RCC1L: variants seen among roughly 807,000 people sequenced by gnomAD.
RCC1L encodes RCC1-like G exchanging factor-like protein.
Under a neutral mutation model 58.6 loss-of-function variants are expected in RCC1L, and 46 were observed. The observed-to-expected ratio is 0.79, with a 90% CI of 0.62 to 1.00. The LOEUF is 1.00. Ranked by LOEUF, RCC1L falls within the 50% of genes least tolerant of loss-of-function variation. The pLI is 0.00. For synonymous variants in RCC1L, 281 were observed against 262.9 expected, an observed-to-expected ratio of 1.07 and a Z score of -0.67; for missense variants, 636 against 623.6, an observed-to-expected ratio of 1.02 and a Z score of -0.21.
At position 75,073,582 on chromosome 7, in the gene RCC1L, GC is replaced by G; in HGVS notation, c.155del (p.Gly52AlafsTer138). The G allele has an allele frequency of 6.6e-7, 1 of 1,513,314 alleles. No homozygotes were observed. Among genetic ancestry groups the G allele is most frequent in the South Asian group, 1.2e-5 (1 of 80,854 alleles). 93.7% of individuals were successfully genotyped at this position (1,513,314 alleles called of 1,614,324 possible). A position where few individuals can be genotyped will look rare whatever the true frequency, so the allele number is the denominator to read the frequency against. On this transcript the variant is annotated frameshift_variant, in exon 1 of 11. Coordinates refer to ENST00000610322, the MANE Select transcript of RCC1L (RefSeq NM_030798.5). LOFTEE classifies it high-confidence loss of function. ...EAEVPVVQYV[G>X]ERAARADRVF... ...CGCGATCGGCGCGGGCAGCGCGCTC[GC>G]CCACGTACTGGACCACGGGCACCTC...
At chr7:75,072,947 T>A (rs1275175556) in intron 1 of RCC1L, among the ~76,000 whole-genome samples, 1 of 152,088 alleles carries the variant, frequency 6.6e-6, no homozygotes, top group Non-Finnish European at 1.5e-5. Context: ...CTCTAAAAAA[T>A]AAATTAAAAC....
intron 10 of RCC1L, among the ~76,000 whole-genome samples, chr7:75,033,346 AGAC>A (rs1805357422): frequency 1.3e-5 from 2 of 152,084 alleles, no homozygotes; most frequent in South Asian, 4.1e-4. Flanking sequence ...AGTTAGACTT[AGAC>A]AAGAAACAGC....
At chr7:75,045,602 G>C (rs1218340493) in intron 10 of RCC1L, among the ~76,000 whole-genome samples, 1 of 150,494 alleles carries the variant, frequency 6.6e-6, no homozygotes, top group Non-Finnish European at 1.5e-5. Flanking sequence ...TGCAACCTCC[G>C]ACTCCCTGGT....
chr7:75,045,155 C>T (rs1200093981), intron 10 of RCC1L, among the ~76,000 whole-genome samples: 3 of 149,404 alleles, frequency 2.0e-5, no homozygotes, highest in African/African-American at 7.4e-5. Context: ...ACTACAGGCA[C>T]GTGCCACCAT....
At chr7:75,065,295 C>T (rs1378004859) in intron 3 of RCC1L, among the ~76,000 whole-genome samples, 1 of 152,154 alleles carries the variant, frequency 6.6e-6, no homozygotes, top group African/African-American at 2.4e-5. Context: ...TGGCTCATGA[C>T]TGTAATCTCA....
intron 3 of RCC1L, among the ~76,000 whole-genome samples, chr7:75,065,925 G>C (rs1313982289): frequency 2.0e-5 from 3 of 151,708 alleles, no homozygotes; most frequent in Non-Finnish European, 2.9e-5. Context: ...GGCTGAGGCA[G>C]GAGAATTGCT....
intron 2 of RCC1L, among the ~76,000 whole-genome samples, chr7:75,069,340 A>G (rs1418845664): frequency 6.6e-6 from 1 of 151,988 alleles, no homozygotes. Context: ...TTATAGGTGC[A>G]TGCCACCATG....
chr7:75,028,142 G>A lies in RCC1L; in HGVS notation c.1318-63C>T. 8 of 1,348,472 alleles carry A rather than the reference G, an allele frequency of 5.9e-6. No individual in the cohort carries two copies. The East Asian group carries it at 1.8e-4, about 30-fold the overall frequency. 83.5% of individuals were successfully genotyped at this position (1,348,472 alleles called of 1,614,324 possible). On this transcript the variant is annotated intron_variant, in intron 10 of 10. Coordinates refer to the RCC1L transcript ENST00000614461. Reference sequence around the variant, plus strand: ...TTTTTTTTTTTTTTTTTTTGAGACGGAGTCTTGCTCTGTCGCCCAGGCTGG... The same window carrying A: ...TTTTTTTTTTTTTTTTTTTGAGACGAAGTCTTGCTCTGTCGCCCAGGCTGG...
intron 10 of RCC1L, among the ~76,000 whole-genome samples, chr7:75,031,483 T>C (rs920569595): frequency 7.2e-5 from 11 of 151,764 alleles, no homozygotes; most frequent in Admixed American, 1.3e-4. Flanking sequence ...AAAAAGACAG[T>C]ATATTTTGTA....
chr7:75,038,412 C>T (rs1234891591), downstream of RCC1L, among the ~76,000 whole-genome samples: 7 of 151,644 alleles, frequency 4.6e-5, no homozygotes, highest in Non-Finnish European at 8.8e-5. Context: ...CCACCATGCA[C>T]GGTTAATTTT....
chr7:75,055,709 G>C lies in RCC1L; in HGVS notation c.1231+192C>G, dbSNP rs587624585. On this transcript the variant is annotated intron_variant, in intron 9 of 10. Transcript: ENST00000610322. ...CAAACGAACCAAAATTAAAACTCCA[G>C]GGGGGGAAAACAAGACATTATACAA... 31 of 665,092 alleles carry C rather than the reference G, an allele frequency of 4.7e-5. No homozygotes were observed. The East Asian group carries it at 8.1e-4, about 17-fold the overall frequency. The allele number at this position is 665,092 out of a possible 1,614,324, so 41.2% of individuals were successfully genotyped here.
In RCC1L at chr7:75,064,666, A is replaced by C. The variant is rs1472746805; in HGVS notation, c.584-18T>G. 12 of 1,613,070 alleles carry C rather than the reference A, an allele frequency of 7.4e-6. No individual in the cohort carries two copies. The highest frequency in any genetic ancestry group is 1.3e-5 in the African/African-American group (1 of 74,808). The stretch of plus-strand genomic sequence containing the variant: ...GCTGAAGACTAAAAATAACACCACC[A>C]ATCAAATCAGTTCTGCAGGTTTGTG... On this transcript the variant is annotated intron_variant, in intron 3 of 10. Transcript: ENST00000610322.
At chr7:75,047,248 C>T (rs982345745) in intron 10 of RCC1L, among the ~76,000 whole-genome samples, 10 of 152,282 alleles carry the variant, frequency 6.6e-5, no homozygotes, top group East Asian at 1.9e-4. Flanking sequence ...TGAGCCACTG[C>T]GCCCGGCCGC....
At chr7:75,071,558 T>G (rs1806728960) in intron 1 of RCC1L, among the ~76,000 whole-genome samples, 1 of 152,114 alleles carries the variant, frequency 6.6e-6, no homozygotes, top group African/African-American at 2.4e-5. Context: ...GAGAAGTGCT[T>G]GAACCTGGGA....
At position 75,073,524 on chromosome 7, in the gene RCC1L, G is replaced by T; in HGVS notation, c.214C>A (p.Leu72Met). 6.9e-7 allele frequency: 1 copy of T among 1,453,744 alleles called. No individual in the cohort carries two copies. The highest frequency in any genetic ancestry group is 9.0e-7 in the Non-Finnish European group (1 of 1,110,922). 90.1% of individuals were successfully genotyped at this position (1,453,744 alleles called of 1,614,324 possible). ...FVWGFSFSGALGVPSFVVPSS... is the reference protein window; with the variant it reads ...FVWGFSFSGAMGVPSFVVPSS... Reference sequence around the variant, plus strand: ...GGCACCACAAAGGAAGGCACGCCCAGCGCCCCCGAGAAGCTGAAGCCCCAC... The same window carrying T: ...GGCACCACAAAGGAAGGCACGCCCATCGCCCCCGAGAAGCTGAAGCCCCAC... The change falls in exon 1 of 11, where the codon CTG becomes ATG. Residue 72 changes from leucine to methionine, a missense_variant. Coordinates refer to ENST00000610322, the MANE Select transcript of RCC1L (RefSeq NM_030798.5).
At chr7:75,068,560 C>A (rs1194693741) in intron 2 of RCC1L, among the ~76,000 whole-genome samples, 1 of 151,778 alleles carries the variant, frequency 6.6e-6, no homozygotes, top group Non-Finnish European at 1.5e-5. Context: ...ATGGCGGGCG[C>A]CTGTAGTACC....
chr7:75,064,068 A>C (rs1432451130), intron 4 of RCC1L, among the ~76,000 whole-genome samples: 3 of 152,348 alleles, frequency 2.0e-5, no homozygotes, highest in Admixed American at 6.5e-5. Flanking sequence ...GTGGGGGCTC[A>C]TGCCTGTAAT....
chr7:75,032,049 G>A (rs1008603187), intron 10 of RCC1L, among the ~76,000 whole-genome samples: 1 of 152,212 alleles, frequency 6.6e-6, no homozygotes, highest in Non-Finnish European at 1.5e-5. Context: ...TAATTCACAC[G>A]CCGTTGCCTC....
intron 10 of RCC1L, among the ~76,000 whole-genome samples, chr7:75,033,716 G>A (rs1458750716): frequency 0.94 from 142,282 of 151,116 alleles, 66,978 homozygotes; most frequent in Middle Eastern, 0.98. Context: ...AAAATTAGCC[G>A]GGTGTGGTGG....
Sources: allele counts gnomAD v4.1 joint callset (sites outside exome capture counted in the v4.1 genomes callset), GRCh38; gene constraint gnomAD v4.1.1; transcripts MANE v1.5; gene names NCBI Gene and HGNC (gene_info 2026-07-23, HGNC 2026-07-21).